The following TRIP6 variants were observed in gnomAD, a reference collection of about 807,000 sequenced individuals.
The protein encoded by TRIP6 is thyroid hormone receptor interactor 6, also known as thyroid receptor-interacting protein 6.
Under a neutral mutation model 51.9 loss-of-function variants are expected in TRIP6, and 33 were observed. The observed-to-expected ratio is 0.64, with a 90% CI of 0.48 to 0.85. The LOEUF is 0.85. TRIP6 is among the 40% of genes least tolerant of loss of function. The pLI, the probability that TRIP6 is intolerant of heterozygous loss-of-function variation, is 0.00. For missense variants in TRIP6, 661 were observed against 652.1 expected, an observed-to-expected ratio of 1.01 and a Z score of -0.15; for synonymous variants, 255 against 275.8, an observed-to-expected ratio of 0.92 and a Z score of 0.75.
chr7:100,869,709 G>C (rs1350016917), intron 4 of TRIP6, among the ~76,000 whole-genome samples: 1 of 148,364 alleles, frequency 6.7e-6, no homozygotes, highest in Admixed American at 6.7e-5. Context: ...CTTTCTAGCT[G>C]GAACTGCCTG....
Position 100,873,237 on chromosome 7 carries a change from C to G in TRIP6, c.1365C>G (p.Ile455Met). 6.2e-7 allele frequency: 1 copy of G among 1,613,830 alleles called. No individual in the cohort carries two copies. The highest frequency in any genetic ancestry group is 1.1e-5 in the South Asian group (1 of 91,082). ...GCTGCTACCCGCTGGATGGGCACAT[C>G]TTGTGCAAGGCCTGCAGCGCCTGGC... is the stretch of plus-strand genomic sequence containing the variant. ...CQGCYPLDGHILCKACSAWRI... is the reference protein window; with the variant it reads ...CQGCYPLDGHMLCKACSAWRI... Residue 455 changes from isoleucine (I) to methionine (M), a missense_variant, in exon 9 of 9, where the codon ATC becomes ATG. By Grantham distance (10) the Ile-to-Met change is conservative (BLOSUM62 1). Coordinates refer to ENST00000200457, the MANE Select transcript of TRIP6 (RefSeq NM_003302.3).
At chr7:100,872,172 G>A (rs571579916) in intron 7 of TRIP6, among the ~76,000 whole-genome samples, 16 of 143,914 alleles carry the variant, frequency 1.1e-4, no homozygotes, top group East Asian at 2.1e-4. Flanking sequence ...ATGCCACCAC[G>A]CCTGGCTAGT....
chr7:100,871,376 T>C lies in TRIP6; in HGVS notation c.1000-167T>C, dbSNP rs114745968. Among the ~76,000 whole-genome samples the C allele has an allele frequency of 2.9e-3, 442 of 152,306 alleles. 2 individuals carry two copies. The highest frequency in any genetic ancestry group is 1.0e-2 in the African/African-American group (414 of 41,570). ...CATAGTGTTTAAATACCGTGTATAG[T>C]GCTGGGACCTGAACTCAGATCTGCT... is the stretch of plus-strand genomic sequence containing the variant. On this transcript the variant is annotated intron_variant, in intron 6 of 8. Transcript: ENST00000200457.
At position 100,868,700 on chromosome 7, in the gene TRIP6, A is replaced by G. The variant is rs770526608; in HGVS notation, c.569A>G (p.Gln190Arg). Reference sequence around the variant, plus strand: ...GGCCCACCCAGGCGGGGAGCCTCTCAGGCCTCTGGGCCCCTCCCGGGCCCC... The same window carrying G: ...GGCCCACCCAGGCGGGGAGCCTCTCGGGCCTCTGGGCCCCTCCCGGGCCCC... ...GCGPPRRGAS[Q>R]ASGPLPGPHF... is the part of the protein sequence containing the mutation. The change falls in exon 4 of 9, where the codon CAG (glutamine) becomes CGG (arginine). Residue 190 changes from glutamine to arginine, a missense_variant. Physicochemically the swap from Gln to Arg is conservative, Grantham distance 43. Coordinates refer to ENST00000200457, the MANE Select transcript of TRIP6 (RefSeq NM_003302.3). 17 of 1,594,412 alleles carry G rather than the reference A, an allele frequency of 1.1e-5. No individual in the cohort carries two copies. The highest frequency in any genetic ancestry group is 1.0e-4 in the Admixed American group (6 of 57,410).
In TRIP6 at chr7:100,872,565, A is replaced by G; in HGVS notation, c.1179-59A>G. On this transcript the variant is annotated intron_variant, in intron 7 of 8. Coordinates refer to ENST00000200457, the MANE Select transcript of TRIP6 (RefSeq NM_003302.3). ...CTGTGCCCCACCTTCTCTGGGTTCC[A>G]TTGTTGGTGCCCTGCAACCCCAAGG... is the stretch of plus-strand genomic sequence containing the variant. The G allele has an allele frequency of 5.0e-6, 8 of 1,603,542 alleles. No homozygotes were observed. The South Asian group carries it at 7.8e-5, about 16-fold the overall frequency.
At chr7:100,872,181 G>GTTTTTTTTTTTTTTT (rs34239953) in intron 7 of TRIP6, among the ~76,000 whole-genome samples, 13 of 95,586 alleles carry the variant, frequency 1.4e-4, no homozygotes, top group East Asian at 9.6e-4. Context: ...CGCCTGGCTA[G>GTTTTTTTTTTTTTTT]TTTTTTTTTT....
rs1398396145 is a variant in TRIP6 at position 100,873,390 on chromosome 7, T to C, written c.*87T>C. 6.7e-7 allele frequency: 1 copy of C among 1,491,778 alleles called. No individual in the cohort carries two copies. The highest frequency in any genetic ancestry group is 8.9e-7 in the Non-Finnish European group (1 of 1,118,690). The allele number at this position is 1,491,778 out of a possible 1,614,324, so 92.4% of individuals were successfully genotyped here. ...TCCCTGACATCCACCTGTATGACTT[T>C]GTCACCAAATGCTGTCTTCTCTTTC... On this transcript the variant is annotated 3_prime_UTR_variant, in exon 9 of 9. Coordinates refer to ENST00000200457, the MANE Select transcript of TRIP6 (RefSeq NM_003302.3).
At chr7:100,868,417 C>T (rs1815193538) in intron 3 of TRIP6, 78 bp from the exon 4 acceptor site, 3 of 1,603,014 alleles carry the variant, frequency 1.9e-6, no homozygotes, top group Non-Finnish European at 2.6e-6. Flanking sequence ...TGCTTCCCCA[C>T]AGCCAGGGTC....
chr7:100,868,668 G>A lies in TRIP6; in HGVS notation c.537G>A (p.Arg179=), dbSNP rs944027920. 6.2e-7 allele frequency: 1 copy of A among 1,607,396 alleles called. No individual in the cohort carries two copies. Among genetic ancestry groups the A allele is most frequent in the South Asian group, 1.1e-5 (1 of 90,714 alleles). The change falls in exon 4 of 9, where the codon AGG becomes AGA. Residue 179 remains arginine, a synonymous_variant. Transcript: ENST00000200457. ...AAGTGAAGGTGGCACAGCCAGTGAG[G>A]GGCTGCGGCCCACCCAGGCGGGGAG... ...PVQVKVAQPV[R]GCGPPRRGAS...
chr7:100,869,321 G>A (rs908575902), intron 4 of TRIP6, among the ~76,000 whole-genome samples: 16 of 151,634 alleles, frequency 1.1e-4, no homozygotes, highest in Non-Finnish European at 8.8e-5. Flanking sequence ...GCAGGGCAGT[G>A]CGGGGGAGCA....
intron 7 of TRIP6, 59 bp from the exon 8 acceptor site, chr7:100,872,565 A>C (rs1362971752): frequency 1.2e-6 from 2 of 1,603,424 alleles, no homozygotes; most frequent in African/African-American, 2.7e-5. Flanking sequence ...TCTGGGTTCC[A>C]TTGTTGGTGC....
chr7:100,867,502 C>T lies in TRIP6; in HGVS notation c.5C>T (p.Ser2Leu), dbSNP rs1815163615. 1.3e-5 allele frequency: 19 copies of T among 1,488,530 alleles called. No individual in the cohort carries two copies. Among genetic ancestry groups the T allele is most frequent in the Non-Finnish European group, 1.6e-5 (18 of 1,120,344 alleles). The allele number at this position is 1,488,530 out of a possible 1,614,324, so 92.2% of individuals were successfully genotyped here. Residue 2 changes from serine to leucine, a missense_variant, in exon 1 of 9, where the codon TCG becomes TTG. Transcript: ENST00000200457. This position sits in a 1 kb window ranked among gnomAD's most constrained non-coding sequence, Gnocchi z 5.4. ...TGGAGTCCCCCTTTCCAGGCCATGT[C>T]GGGGCCCACCTGGCTGCCCCCGAAG... The part of the protein sequence containing the change: M[S>L]GPTWLPPKQP...
chr7:100,868,709 G>A lies in TRIP6; in HGVS notation c.578G>A (p.Gly193Glu). 6.3e-7 allele frequency: 1 copy of A among 1,578,904 alleles called. No individual in the cohort carries two copies. The highest frequency in any genetic ancestry group is 2.3e-5 in the East Asian group (1 of 44,346). Residue 193 changes from glycine to glutamate, a missense_variant, in exon 4 of 9, where the codon GGG becomes GAG. By Grantham distance (98) the Gly-to-Glu change is moderately conservative. Transcript: ENST00000200457. ...AGGCGGGGAGCCTCTCAGGCCTCTG[G>A]GCCCCTCCCGGGCCCCCACTTTCCT... ...PPRRGASQAS[G>E]PLPGPHFPLP... is the part of the protein sequence containing the mutation.
Position 100,867,879 on chromosome 7 carries a change from G to C in TRIP6, c.128G>C (p.Arg43Thr). 1 of 1,532,804 alleles carries C rather than the reference G, an allele frequency of 6.5e-7. No homozygotes were observed. The highest frequency in any genetic ancestry group is 1.8e-4 in the Middle Eastern group (1 of 5,652). The allele number at this position is 1,532,804 out of a possible 1,614,324, so 95.0% of individuals were successfully genotyped here. A position where few individuals can be genotyped will look rare whatever the true frequency, so the allele number is the denominator to read the frequency against. ...AACCCAGCACTCCAGCCCCACCCCA[G>C]GGTCAATTTTTGCCCCCTTCCATCT... ...AHGAALQPHP[R>T]VNFCPLPSEQ... The change falls in exon 2 of 9, where the codon AGG becomes ACG. Residue 43 changes from arginine to threonine, a missense_variant. Coordinates refer to ENST00000200457, the MANE Select transcript of TRIP6 (RefSeq NM_003302.3). This position sits in a 1 kb window ranked among gnomAD's most constrained non-coding sequence, Gnocchi z 5.4.
At chr7:100,871,402 C>T (rs901287814) in intron 6 of TRIP6, 141 bp from the exon 7 acceptor site, 5 of 787,768 alleles carry the variant, frequency 6.3e-6, no homozygotes, top group African/African-American at 3.5e-5. Flanking sequence ...CAGATCTGCT[C>T]AAGTCTGCCT....
Position 100,868,705 on chromosome 7 carries a change from T to C in TRIP6, c.574T>C (p.Ser192Pro). ...ACCCAGGCGGGGAGCCTCTCAGGCC[T>C]CTGGGCCCCTCCCGGGCCCCCACTT... The part of the protein sequence containing the change: ...GPPRRGASQA[S>P]GPLPGPHFPL... The change falls in exon 4 of 9, where the codon TCT becomes CCT. Residue 192 changes from serine to proline, a missense_variant. Coordinates refer to ENST00000200457, the MANE Select transcript of TRIP6 (RefSeq NM_003302.3). 6.3e-7 allele frequency: 1 copy of C among 1,581,550 alleles called. No homozygotes were observed. The highest frequency in any genetic ancestry group is 8.6e-7 in the Non-Finnish European group (1 of 1,165,096).
chr7:100,868,681 C>A lies in TRIP6; in HGVS notation c.550C>A (p.Pro184Thr). ...ACAGCCAGTGAGGGGCTGCGGCCCA[C>A]CCAGGCGGGGAGCCTCTCAGGCCTC... ...VAQPVRGCGP[P>T]RRGASQASGP... Residue 184 changes from proline (P) to threonine (T), a missense_variant, in exon 4 of 9, where the codon CCC (proline) becomes ACC (threonine). Pro to Thr is a conservative substitution (Grantham distance 38). Coordinates refer to ENST00000200457, the MANE Select transcript of TRIP6 (RefSeq NM_003302.3). The A allele has an allele frequency of 2.5e-6, 4 of 1,603,546 alleles. No individual in the cohort carries two copies. The highest frequency in any genetic ancestry group is 3.4e-6 in the Non-Finnish European group (4 of 1,174,812).
At position 100,870,597 on chromosome 7, in the gene TRIP6, G is replaced by A; in HGVS notation, c.853G>A (p.Asp285Asn). The A allele has an allele frequency of 6.2e-7, 1 of 1,614,156 alleles. No individual in the cohort carries two copies. Among genetic ancestry groups the A allele is most frequent in the Non-Finnish European group, 8.5e-7 (1 of 1,180,000 alleles). ...YFGQCGGCGE[D>N]VVGDGAGVVA... ...AGGCCAGTGTGGTGGCTGCGGAGAA[G>A]ATGTGGTTGGGGATGGGGCTGGGGT... Residue 285 changes from aspartate (D) to asparagine (N), a missense_variant, in exon 6 of 9, where the codon GAT (aspartate) becomes AAT (asparagine). Coordinates refer to ENST00000200457, the MANE Select transcript of TRIP6 (RefSeq NM_003302.3).
intron 4 of TRIP6, among the ~76,000 whole-genome samples, 182 bp from the exon 5 acceptor site, chr7:100,870,188 G>A (rs992218111): frequency 1.3e-5 from 2 of 152,242 alleles, no homozygotes; most frequent in African/African-American, 2.4e-5. Context: ...ACAGGAGGTG[G>A]AGCTCAGGCG....
Sources: gnomAD v4.1 joint callset for allele counts (sites outside exome capture counted in the v4.1 genomes callset) on GRCh38, gnomAD v4.1.1 for gene constraint, Gnocchi (gnomAD v3.1) non-coding constraint, MANE v1.5 for transcripts, NCBI Gene and HGNC (gene_info 2026-07-23, HGNC 2026-07-21) for gene names.